DLGAP2: variants seen among roughly 807,000 people sequenced by gnomAD.
The protein encoded by DLGAP2 is disks large-associated protein 2.
In DLGAP2, 26 loss-of-function variants were observed where a neutral mutation model predicts 100.3. The observed-to-expected ratio is 0.26, with a 90% CI of 0.19 to 0.36. The LOEUF (loss-of-function observed/expected upper bound fraction) is 0.36, where lower values mean the gene tolerates loss of function less well. Among genes scored for constraint, DLGAP2 ranks in the 10% least tolerant of loss-of-function variants. The pLI is 1.00. For synonymous variants in DLGAP2, 886 were observed against 630.1 expected, an observed-to-expected ratio of 1.41 and a Z score of -6.08; for missense variants, 1,858 against 1,453.2, an observed-to-expected ratio of 1.28 and a Z score of -4.53.
At chr8:1,334,670 G>A (rs757998028) in intron 3 of DLGAP2, among the ~76,000 whole-genome samples, 1 of 152,058 alleles carries the variant, frequency 6.6e-6, no homozygotes, top group African/African-American at 2.4e-5. Context: ...CATCCACGTC[G>A]GCATTCTCGG....
chr8:1,407,750 C>T (rs1796609704), intron 3 of DLGAP2, among the ~76,000 whole-genome samples: 2 of 141,070 alleles, frequency 1.4e-5, no homozygotes, highest in Non-Finnish European at 3.1e-5. Context: ...CGTCATCCTC[C>T]AGAGTCGTGT....
At chr8:1,437,363 T>C (rs893860743) in intron 3 of DLGAP2, among the ~76,000 whole-genome samples, 5 of 152,234 alleles carry the variant, frequency 3.3e-5, no homozygotes, top group African/African-American at 1.2e-4. Context: ...ACCTTACGTT[T>C]CTCTGAATGT....
intron 2 of DLGAP2, among the ~76,000 whole-genome samples, chr8:1,251,680 T>G (rs987553668): frequency 2.6e-5 from 4 of 152,236 alleles, no homozygotes; most frequent in African/African-American, 9.6e-5. Context: ...TGGAATACAG[T>G]CATGTGATCG....
intron 1 of DLGAP2, among the ~76,000 whole-genome samples, chr8:834,418 C>T (rs546004544): frequency 5.1e-4 from 77 of 152,314 alleles, no homozygotes; most frequent in Middle Eastern, 3.4e-3. Context: ...AAATGCAGGC[C>T]GACGCATGCG....
At chr8:1,571,186 G>A (rs1273364166) in intron 6 of DLGAP2, among the ~76,000 whole-genome samples, 1 of 128,560 alleles carries the variant, frequency 7.8e-6, no homozygotes, top group East Asian at 2.7e-4. Flanking sequence ...AACTGTGGGG[G>A]CATCTGATGA....
chr8:1,495,524 C>G (rs867891845), intron 3 of DLGAP2, among the ~76,000 whole-genome samples: 4 of 152,208 alleles, frequency 2.6e-5, no homozygotes, highest in African/African-American at 7.2e-5. Context: ...GTGGGTGAGC[C>G]AGGACTGCGC....
intron 2 of DLGAP2, among the ~76,000 whole-genome samples, chr8:1,190,440 G>A (rs149284171): frequency 2.3e-3 from 312 of 135,764 alleles, no homozygotes; most frequent in African/African-American, 7.9e-3. Flanking sequence ...GGCATCTGCT[G>A]TTGGAGTCGC....
intron 3 of DLGAP2, chr8:1,380,106 T>G (rs979031772): frequency 1.8e-4 from 27 of 152,316 alleles, no homozygotes; most frequent in African/African-American, 6.5e-4. Flanking sequence ...CATTCTCTTT[T>G]ATGTCCCAGC....
At chr8:866,566 G>A (rs1053356537) in intron 1 of DLGAP2, among the ~76,000 whole-genome samples, 8 of 152,250 alleles carry the variant, frequency 5.3e-5, no homozygotes, top group Middle Eastern at 3.4e-3. Flanking sequence ...AGGGTCTGAA[G>A]GACCAGAGTG....
chr8:988,152 C>G (rs551787200), intron 2 of DLGAP2, among the ~76,000 whole-genome samples: 1 of 152,098 alleles, frequency 6.6e-6, no homozygotes, highest in African/African-American at 2.4e-5. Flanking sequence ...GGTAGCTAAT[C>G]GCATGATTTT....
chr8:1,203,718 C>T (rs1255194735), intron 2 of DLGAP2, among the ~76,000 whole-genome samples: 2 of 152,190 alleles, frequency 1.3e-5, no homozygotes, highest in Non-Finnish European at 2.9e-5. Flanking sequence ...CCCAACCACA[C>T]ACACAAATGA....
At chr8:1,424,936 C>T (rs1797198577) in intron 3 of DLGAP2, among the ~76,000 whole-genome samples, 1 of 152,184 alleles carries the variant, frequency 6.6e-6, no homozygotes, top group South Asian at 2.1e-4. Context: ...TCGAGAAGTT[C>T]TGGAGATATT....
intron 2 of DLGAP2, among the ~76,000 whole-genome samples, chr8:1,138,998 G>A (rs965853455): frequency 1.3e-5 from 2 of 152,200 alleles, no homozygotes; most frequent in African/African-American, 2.4e-5. Context: ...GGTGGGAAAC[G>A]TTCACCCTGC....
chr8:932,279 T>C (rs1295641645), intron 2 of DLGAP2, among the ~76,000 whole-genome samples: 2 of 152,238 alleles, frequency 1.3e-5, no homozygotes, highest in East Asian at 3.8e-4. Context: ...AAATGTTCTC[T>C]GAAGTTCATA....
At chr8:1,422,063 C>A (rs1797103506) in intron 3 of DLGAP2, among the ~76,000 whole-genome samples, 1 of 152,026 alleles carries the variant, frequency 6.6e-6, no homozygotes, top group African/African-American at 2.4e-5. Flanking sequence ...ACGCTAGGCA[C>A]CGAGGGCGAG....
At chr8:1,023,285 G>A (rs998411216) in intron 2 of DLGAP2, among the ~76,000 whole-genome samples, 1 of 152,166 alleles carries the variant, frequency 6.6e-6, no homozygotes, top group Admixed American at 6.5e-5. Flanking sequence ...AGGTCTGTTC[G>A]CTGGGCTCTA....
chr8:1,545,627 G>A (rs1405518092), intron 4 of DLGAP2, among the ~76,000 whole-genome samples: 2 of 152,202 alleles, frequency 1.3e-5, no homozygotes, highest in Non-Finnish European at 1.5e-5. Context: ...ACCTAGCTTA[G>A]TGCTCGTTAC....
At chr8:1,214,485 A>G (rs1361312503) in intron 2 of DLGAP2, among the ~76,000 whole-genome samples, 1 of 152,192 alleles carries the variant, frequency 6.6e-6, no homozygotes, top group Non-Finnish European at 1.5e-5. Context: ...CACTTTACGT[A>G]GGAGATGCTG....
chr8:1,114,299 T>C (rs1805050556), intron 2 of DLGAP2, among the ~76,000 whole-genome samples: 1 of 152,166 alleles, frequency 6.6e-6, no homozygotes. Context: ...ATACATCTGG[T>C]AGAGTTCAGC....
Sources: gnomAD v4.1 joint callset for allele counts (sites outside exome capture counted in the v4.1 genomes callset) on GRCh38, gnomAD v4.1.1 for gene constraint, MANE v1.5 for transcripts, NCBI Gene and HGNC (gene_info 2026-07-23, HGNC 2026-07-21) for gene names.